Variants in SHC3 observed in about 807,000 individuals in gnomAD.
SHC3 encodes the protein SHC adaptor protein 3, also known as SHC-transforming protein 3.
SHC3 carries 15 observed loss-of-function variants against 60.4 expected under a neutral mutation model. That is an observed-to-expected ratio of 0.25 (90% CI 0.17 to 0.38). The LOEUF (loss-of-function observed/expected upper bound fraction) is 0.38. SHC3 is among the 10% of genes least tolerant of loss of function. SHC3 has a pLI of 1.00. For synonymous variants in SHC3, 294 were observed against 325.9 expected, an observed-to-expected ratio of 0.90 and a Z score of 1.05; for missense variants, 677 against 786.1, an observed-to-expected ratio of 0.86 and a Z score of 1.66.
In SHC3 at chr9:89,042,070, A is replaced by T; in HGVS notation, c.1316T>A (p.Val439Asp). The T allele has an allele frequency of 6.2e-7, 1 of 1,607,916 alleles. No individual in the cohort carries two copies. Among genetic ancestry groups the T allele is most frequent in the Non-Finnish European group, 8.5e-7 (1 of 1,178,530 alleles). ...CCTTGGGCTGCTCTCAGCACTGCTG[A>T]CCGCAGCCGGCCAGGCCTGTGGTGG... ...QIPPQAWPAA[V>D]SSAESSPRKD... The change falls in exon 10 of 12, where the codon GTC becomes GAC. Residue 439 changes from valine to aspartate, a missense_variant. Transcript: ENST00000375835.
chr9:89,023,873 C>G (rs932313379), intron 11 of SHC3, among the ~76,000 whole-genome samples: 3 of 152,182 alleles, frequency 2.0e-5, no homozygotes, highest in Non-Finnish European at 2.9e-5. Flanking sequence ...CCTGTGGTTC[C>G]CAACTCTAGC....
At chr9:89,082,065 T>G (rs1250595424) in intron 2 of SHC3, among the ~76,000 whole-genome samples, 1 of 152,080 alleles carries the variant, frequency 6.6e-6, no homozygotes, top group African/African-American at 2.4e-5. Flanking sequence ...CCCACCCCCA[T>G]GCCCTGTGTA....
At chr9:89,096,444 T>A (rs1384516681) in intron 2 of SHC3, among the ~76,000 whole-genome samples, 2 of 152,292 alleles carry the variant, frequency 1.3e-5, no homozygotes, top group African/African-American at 4.8e-5. Flanking sequence ...ATAATATTCA[T>A]ATATGCATAC....
intron 1 of SHC3, among the ~76,000 whole-genome samples, chr9:89,116,798 T>C (rs762177009): frequency 4.9e-4 from 75 of 152,140 alleles, no homozygotes; most frequent in Non-Finnish European, 9.7e-4. Context: ...ATTATGTGGA[T>C]ACCATGACAA....
At chr9:89,122,070 T>C (rs1826100260) in intron 1 of SHC3, among the ~76,000 whole-genome samples, 1 of 152,234 alleles carries the variant, frequency 6.6e-6, no homozygotes, top group African/African-American at 2.4e-5. Flanking sequence ...CAATTCTATA[T>C]ACCCCAACAC....
chr9:89,127,524 T>A (rs1826181749), intron 1 of SHC3, among the ~76,000 whole-genome samples: 3 of 152,166 alleles, frequency 2.0e-5, no homozygotes, highest in Admixed American at 1.3e-4. Context: ...ACCCCAGGAA[T>A]TAAAAGTGGA....
At chr9:89,043,482 C>A (rs902148637) in intron 9 of SHC3, among the ~76,000 whole-genome samples, 12 of 152,148 alleles carry the variant, frequency 7.9e-5, no homozygotes, top group Non-Finnish European at 4.4e-5. Flanking sequence ...AGCCCAAATG[C>A]ATAATCTTCC....
At position 89,178,328 on chromosome 9, in the gene SHC3, G is replaced by A; in HGVS notation, c.133C>T (p.Pro45Ser). ...AGCGCCTCGCCGGACACCAAGTAGGGAGCCGCCGCCGGGGTCGCGCGCGCC... is the reference window on the plus strand; with the variant it reads ...AGCGCCTCGCCGGACACCAAGTAGGAAGCCGCCGCCGGGGTCGCGCGCGCC... ...SAARATPAAA[P>S]YLVSGEALRK... The change falls in exon 1 of 12, where the codon CCC becomes TCC. Residue 45 changes from proline (P) to serine (S), a missense_variant. Coordinates refer to ENST00000375835, the MANE Select transcript of SHC3 (RefSeq NM_016848.6). The surrounding 1 kb of genome is among the most constrained non-coding windows in gnomAD (Gnocchi z 6.9). 6.3e-7 allele frequency: 1 copy of A among 1,594,922 alleles called. No individual in the cohort carries two copies. Among genetic ancestry groups the A allele is most frequent in the Non-Finnish European group, 8.5e-7 (1 of 1,172,782 alleles).
chr9:89,163,915 T>C (rs924824514), intron 1 of SHC3, among the ~76,000 whole-genome samples: 2 of 151,714 alleles, frequency 1.3e-5, no homozygotes, highest in African/African-American at 4.8e-5. Context: ...CATTCTTACA[T>C]GGTAGAAAGA....
Position 89,086,026 on chromosome 9 carries a change from A to G in SHC3, c.546-8123T>C, listed in dbSNP as rs535279601. Among the ~76,000 whole-genome samples, 13 of 152,354 alleles carry G rather than the reference A, an allele frequency of 8.5e-5. No individual in the cohort carries two copies. In the South Asian group the frequency reaches 1.2e-3, roughly 15 times the overall value. On this transcript the variant is annotated intron_variant, in intron 2 of 11. Transcript: ENST00000375835. ...TCTGTGAGGGTTAAATGACACATCT[A>G]TGAATCTATACAACTTAGCATTAAT...
chr9:89,034,387 C>G (rs1366106373), intron 11 of SHC3, among the ~76,000 whole-genome samples: 4 of 152,144 alleles, frequency 2.6e-5, no homozygotes, highest in Admixed American at 2.6e-4. Flanking sequence ...ATAATCTCCC[C>G]AAAGCCTACT....
intron 11 of SHC3, among the ~76,000 whole-genome samples, chr9:89,026,235 CAA>C (rs200629946): frequency 0.012 from 1,221 of 99,262 alleles, 19 homozygotes; most frequent in African/African-American, 0.045. Flanking sequence ...GCCTGGGTGA[CAA>C]GAGTGAAACT....
At chr9:89,132,314 T>C (rs1449082577) in intron 1 of SHC3, among the ~76,000 whole-genome samples, 2 of 152,094 alleles carry the variant, frequency 1.3e-5, no homozygotes, top group Non-Finnish European at 2.9e-5. Flanking sequence ...GAATCAATAT[T>C]GTGAAAATGG....
At chr9:89,066,386 T>A (rs902138188) in intron 5 of SHC3, among the ~76,000 whole-genome samples, 2 of 152,212 alleles carry the variant, frequency 1.3e-5, no homozygotes, top group African/African-American at 2.4e-5. Context: ...ATGATCTTAA[T>A]ACTTTAATAT....
chr9:89,028,698 T>C (rs1461965026), intron 11 of SHC3, among the ~76,000 whole-genome samples: 1 of 145,026 alleles, frequency 6.9e-6, no homozygotes, highest in Non-Finnish European at 1.5e-5. Context: ...TCTATATCTA[T>C]ATATTCTATA....
At chr9:89,167,702 T>C (rs1826810131) in intron 1 of SHC3, among the ~76,000 whole-genome samples, 1 of 152,248 alleles carries the variant, frequency 6.6e-6, no homozygotes, top group Non-Finnish European at 1.5e-5. Flanking sequence ...TGCACGAGTA[T>C]ACTTTTTAGA....
intron 1 of SHC3, among the ~76,000 whole-genome samples, chr9:89,118,452 A>T (rs1178343715): frequency 6.6e-6 from 1 of 152,152 alleles, no homozygotes; most frequent in Non-Finnish European, 1.5e-5. Flanking sequence ...TTTAAAAAGA[A>T]GAAAAGAAAT....
intron 2 of SHC3, among the ~76,000 whole-genome samples, chr9:89,082,411 G>A (rs1825459458): frequency 6.6e-6 from 1 of 152,298 alleles, no homozygotes; most frequent in Non-Finnish European, 1.5e-5. Flanking sequence ...TAGCAGGAGG[G>A]CAGTTGCTCC....
At chr9:89,128,757 T>C (rs1826199980) in intron 1 of SHC3, among the ~76,000 whole-genome samples, 1 of 152,080 alleles carries the variant, frequency 6.6e-6, no homozygotes, top group Non-Finnish European at 1.5e-5. Flanking sequence ...TACGTCACCA[T>C]CATCAAAGGC....
Sources: allele counts gnomAD v4.1 joint callset (sites outside exome capture counted in the v4.1 genomes callset), GRCh38; gene constraint gnomAD v4.1.1; non-coding constraint Gnocchi (gnomAD v3.1); transcripts MANE v1.5; gene names NCBI Gene and HGNC (gene_info 2026-07-23, HGNC 2026-07-21).